ETV5: variants seen among roughly 807,000 people sequenced by gnomAD.
ETV5 encodes the protein ETS translocation variant 5.
In ETV5, 10 loss-of-function variants were observed where a neutral mutation model predicts 70.0. The ratio of observed to expected loss-of-function variants is 0.14; its 90% CI spans 0.09 to 0.24. ETV5 has a LOEUF of 0.24. ETV5 is among the 10% of genes least tolerant of loss of function. The pLI is 1.00. For missense variants in ETV5, 453 were observed against 651.2 expected, an observed-to-expected ratio of 0.70 and a Z score of 3.31; for synonymous variants, 216 against 242.2, an observed-to-expected ratio of 0.89 and a Z score of 1.01.
chr3:186,087,178 A>C (rs1362906433), intron 5 of ETV5, among the ~76,000 whole-genome samples: 1 of 152,216 alleles, frequency 6.6e-6, no homozygotes, highest in Non-Finnish European at 1.5e-5. Context: ...AGAATGAAGA[A>C]ATTGCAATTA....
intron 7 of ETV5, among the ~76,000 whole-genome samples, chr3:186,070,932 A>G (rs1387615986): frequency 1.3e-5 from 2 of 152,244 alleles, no homozygotes; most frequent in Admixed American, 6.5e-5. Flanking sequence ...GTGCACGTGT[A>G]AGGAACTCAC....
intron 7 of ETV5, among the ~76,000 whole-genome samples, chr3:186,071,096 C>A (rs1254419171): frequency 6.6e-6 from 1 of 152,198 alleles, no homozygotes; most frequent in Admixed American, 6.5e-5. Context: ...CTCACCCACA[C>A]TCCCAACATT....
At chr3:186,095,986 T>C (rs1345906113) in intron 5 of ETV5, among the ~76,000 whole-genome samples, 1 of 152,244 alleles carries the variant, frequency 6.6e-6, no homozygotes, top group Middle Eastern at 3.2e-3. Flanking sequence ...AGGGCTCCTC[T>C]GCTTCTGCAG....
chr3:186,102,303 A>C (rs138895894), intron 5 of ETV5, among the ~76,000 whole-genome samples: 1 of 152,286 alleles, frequency 6.6e-6, no homozygotes, highest in Non-Finnish European at 1.5e-5. Flanking sequence ...AATCATTATT[A>C]ATAGGAAAGT....
chr3:186,063,384 CT>C (rs1415783366), intron 9 of ETV5, among the ~76,000 whole-genome samples: 1 of 152,232 alleles, frequency 6.6e-6, no homozygotes, highest in Admixed American at 6.5e-5. Flanking sequence ...ACTTATGCAT[CT>C]TATTTGTTCC....
chr3:186,102,823 G>A (rs1277823646), intron 5 of ETV5, among the ~76,000 whole-genome samples: 1 of 152,028 alleles, frequency 6.6e-6, no homozygotes, highest in African/African-American at 2.4e-5. Flanking sequence ...TCCTGAACTC[G>A]AGGCTGTGGA....
Position 186,052,180 on chromosome 3 carries a change from C to G in ETV5, c.1210-49G>C. ...GCAATGGAAACGCATTCCCTGGGCC[C>G]CATGTTCTCTCCCAATCCCAGCAGA... On this transcript the variant is annotated intron_variant, in intron 11 of 12. Coordinates refer to ENST00000306376, the MANE Select transcript of ETV5 (RefSeq NM_004454.3). This position sits in a 1 kb window ranked among gnomAD's most constrained non-coding sequence, Gnocchi z 4.5. 1 of 1,568,032 alleles carries G rather than the reference C, an allele frequency of 6.4e-7. No individual in the cohort carries two copies. The highest frequency in any genetic ancestry group is 8.8e-7 in the Non-Finnish European group (1 of 1,139,476).
rs371617367 is a variant in ETV5, at chr3:186,099,505, C to T, written c.232+5800G>A. Among the ~76,000 whole-genome samples the T allele has an allele frequency of 1.1e-4, 17 of 152,316 alleles. No individual in the cohort carries two copies. The East Asian group carries it at 2.5e-3, about 22-fold the overall frequency. ...GGGCCCAAGCTGCCTCAAGGGCAGC[C>T]GTATGCCCGAGAGGGGGCTGTCAGC... On this transcript the variant is annotated intron_variant, in intron 5 of 12. Coordinates refer to ENST00000306376, the MANE Select transcript of ETV5 (RefSeq NM_004454.3).
At chr3:186,093,269 T>C (rs1245966744) in intron 5 of ETV5, among the ~76,000 whole-genome samples, 1 of 152,214 alleles carries the variant, frequency 6.6e-6, no homozygotes, top group Non-Finnish European at 1.5e-5. Context: ...GGGGAATGAC[T>C]AGACAAGGAG....
At chr3:186,051,892 A>C in intron 12 of ETV5, 138 bp downstream of exon 12, 1 of 709,630 alleles carries the variant, frequency 1.4e-6, no homozygotes, top group Non-Finnish European at 2.4e-6. Context: ...TTGTCTTCTC[A>C]AGATTGTTTC....
intron 7 of ETV5, among the ~76,000 whole-genome samples, chr3:186,069,210 AC>A (rs931796505): frequency 9.9e-5 from 15 of 152,208 alleles, no homozygotes; most frequent in African/African-American, 3.1e-4. Flanking sequence ...TAATATGAAA[AC>A]TACTGGGCAA....
intron 1 of ETV5, among the ~76,000 whole-genome samples, chr3:186,107,215 C>T (rs1366986937): frequency 6.6e-6 from 1 of 152,070 alleles, no homozygotes; most frequent in Non-Finnish European, 1.5e-5. Context: ...TCATAACTTC[C>T]TAGAAAAACA....
At chr3:186,090,361 G>A (rs750688241) in intron 5 of ETV5, among the ~76,000 whole-genome samples, 1 of 152,156 alleles carries the variant, frequency 6.6e-6, no homozygotes, top group Non-Finnish European at 1.5e-5. Flanking sequence ...TCCAGAGATG[G>A]CAAAATAAAA....
At chr3:186,108,563 T>A (rs1254818173) in intron 1 of ETV5, 2 of 1,266,076 alleles carry the variant, frequency 1.6e-6, no homozygotes, top group East Asian at 5.8e-5. Flanking sequence ...CCGCCAAGCG[T>A]CTCTTCTCGC....
At chr3:186,055,777 T>C (rs188636047) in intron 11 of ETV5, among the ~76,000 whole-genome samples, 1 of 152,328 alleles carries the variant, frequency 6.6e-6, no homozygotes, top group Non-Finnish European at 1.5e-5. Flanking sequence ...GTTAACCCCA[T>C]GCCAGCGTAT....
intron 1 of ETV5, among the ~76,000 whole-genome samples, chr3:186,108,208 C>G (rs1714642724): frequency 6.7e-6 from 1 of 149,172 alleles, no homozygotes; most frequent in Admixed American, 6.7e-5. Flanking sequence ...TCTGAAAATG[C>G]GGCCGGAACC....
At chr3:186,060,284 A>T (rs1315081985) in intron 9 of ETV5, among the ~76,000 whole-genome samples, 1 of 152,222 alleles carries the variant, frequency 6.6e-6, no homozygotes, top group Non-Finnish European at 1.5e-5. Context: ...AGCTAATCAG[A>T]TGAAGGTCTG....
In ETV5 at chr3:186,105,747, G is replaced by A. The variant is rs1714572102; in HGVS notation, c.46-35C>T. The A allele has an allele frequency of 4.3e-6, 7 of 1,613,012 alleles. No homozygotes were observed. The highest frequency in any genetic ancestry group is 1.7e-5 in the Admixed American group (1 of 60,032). ...GCCAACAGAAAGTGAAGGCTCAAGT[G>A]TAGTAAAGAGGTCCACAGGGGGAAG... On this transcript the variant is annotated intron_variant, in intron 2 of 12. Coordinates refer to ENST00000306376, the MANE Select transcript of ETV5 (RefSeq NM_004454.3). This position sits in a 1 kb window ranked among gnomAD's most constrained non-coding sequence, Gnocchi z 4.5.
chr3:186,092,566 G>A (rs1279523619), intron 5 of ETV5, among the ~76,000 whole-genome samples: 1 of 151,910 alleles, frequency 6.6e-6, no homozygotes, highest in Non-Finnish European at 1.5e-5. Flanking sequence ...CAGAGTAGGT[G>A]GGACCACCGG....
Sources: gnomAD v4.1 joint callset for allele counts (sites outside exome capture counted in the v4.1 genomes callset) on GRCh38, gnomAD v4.1.1 for gene constraint, Gnocchi (gnomAD v3.1) non-coding constraint, MANE v1.5 for transcripts, NCBI Gene and HGNC (gene_info 2026-07-23, HGNC 2026-07-21) for gene names.